The following SLCO1B3 variants were observed in gnomAD, a reference collection of about 807,000 sequenced individuals.
SLCO1B3 encodes the protein solute carrier organic anion transporter family member 1B3, also known as liver-specific organic anion transporter 2.
SLCO1B3 carries 72 observed loss-of-function variants against 71.8 expected under a neutral mutation model. The observed-to-expected ratio is 1.00, with a 90% confidence interval of 0.83 to 1.22. The LOEUF (loss-of-function observed/expected upper bound fraction) is 1.22. SLCO1B3 is among the 50% of genes most tolerant of loss of function. SLCO1B3 has a pLI of 0.00. For missense variants in SLCO1B3, 911 were observed against 819.7 expected (o/e 1.11, Z -1.36); for synonymous variants, 298 against 278.4 (o/e 1.07, Z -0.70).
chr12:20,841,939 C>A (rs1468841488), intron 3 of SLCO1B3, among the ~76,000 whole-genome samples: 1 of 148,268 alleles, frequency 6.7e-6, no homozygotes, highest in Non-Finnish European at 1.5e-5. Context: ...GGCTAGAGTG[C>A]AGTGGAGCAA....
intron 15 of SLCO1B3, among the ~76,000 whole-genome samples, chr12:20,912,919 T>C (rs1416537428): frequency 6.6e-6 from 1 of 151,006 alleles, no homozygotes; most frequent in Non-Finnish European, 1.5e-5. Flanking sequence ...TCAAGTGATC[T>C]GCCTGCCTTG....
Position 20,875,478 on chromosome 12 carries a change from G to C in SLCO1B3, c.970+1G>C, listed in dbSNP as rs762437057. ...AAAAATGTTACCAAAAATGTGACTG[G>C]TAGGTATTTGACATTCATTGTCAAC... is the stretch of plus-strand genomic sequence containing the variant. On this transcript the variant is annotated splice_donor_variant, in intron 9 of 15. Coordinates refer to ENST00000381545, the MANE Select transcript of SLCO1B3 (RefSeq NM_019844.4). LOFTEE classifies it high-confidence loss of function. 12 of 1,598,582 alleles carry C rather than the reference G, an allele frequency of 7.5e-6. No homozygotes were observed. Among genetic ancestry groups the C allele is most frequent in the Non-Finnish European group, 1.0e-5 (12 of 1,176,742 alleles).
At chr12:20,915,659 G>A (rs1408174092) in intron 15 of SLCO1B3, among the ~76,000 whole-genome samples, 3 of 152,112 alleles carry the variant, frequency 2.0e-5, no homozygotes, top group African/African-American at 7.2e-5. Context: ...CTTTTAGTGA[G>A]CCTGTACCTC....
At chr12:20,888,328 A>G (rs980863992) in intron 13 of SLCO1B3, among the ~76,000 whole-genome samples, 3 of 151,898 alleles carry the variant, frequency 2.0e-5, no homozygotes, top group African/African-American at 7.2e-5. Context: ...CCAATTCATG[A>G]GCGTAGGATG....
Position 20,875,289 on chromosome 12 carries a change from G to A in SLCO1B3, c.782G>A (p.Gly261Asp). The A allele has an allele frequency of 6.2e-7, 1 of 1,613,218 alleles. No individual in the cohort carries two copies. Among genetic ancestry groups the A allele is most frequent in the Non-Finnish European group, 8.5e-7 (1 of 1,179,566 alleles). ...DSRWVGAWWL[G>D]FLVSGLFSII... ...CGTTGGGTTGGAGCTTGGTGGCTTGGTTTCCTTGTGTCTGGACTATTTTCC... is the reference window on the plus strand; with the variant it reads ...CGTTGGGTTGGAGCTTGGTGGCTTGATTTCCTTGTGTCTGGACTATTTTCC... Residue 261 changes from glycine to aspartate, a missense_variant, in exon 9 of 16, where the codon GGT (glycine) becomes GAT (aspartate). Gly to Asp is a moderately conservative substitution (Grantham distance 94, BLOSUM62 -1). Coordinates refer to ENST00000381545, the MANE Select transcript of SLCO1B3 (RefSeq NM_019844.4).
At chr12:20,838,494 G>A (rs2121161542) in intron 3 of SLCO1B3, among the ~76,000 whole-genome samples, 1 of 152,104 alleles carries the variant, frequency 6.6e-6, no homozygotes, top group African/African-American at 2.4e-5. Context: ...TGACAGGAAT[G>A]CATTCTGAGA....
At chr12:20,886,750 T>G (rs1865799253) in intron 13 of SLCO1B3, among the ~76,000 whole-genome samples, 1 of 151,942 alleles carries the variant, frequency 6.6e-6, no homozygotes, top group South Asian at 2.1e-4. Flanking sequence ...AGAGATACAA[T>G]TGTAGTTGTG....
In SLCO1B3 at chr12:20,841,275, G is replaced by A. The variant is rs147067772; in HGVS notation, c.85-13753G>A. On this transcript the variant is annotated intron_variant, in intron 3 of 15. Coordinates refer to ENST00000381545, the MANE Select transcript of SLCO1B3 (RefSeq NM_019844.4). ...TTTCAGTCGGTTTAGTGTTTTACTT[G>A]ATGTTAGAAAAAAATGGCGCCCTCC... Among the ~76,000 whole-genome samples the A allele has an allele frequency of 3.9e-5, 6 of 152,012 alleles. No individual in the cohort carries two copies. The East Asian group carries it at 1.2e-3, about 29-fold the overall frequency.
intron 3 of SLCO1B3, among the ~76,000 whole-genome samples, chr12:20,837,673 C>G (rs1864711843): frequency 6.6e-6 from 1 of 152,040 alleles, no homozygotes; most frequent in African/African-American, 2.4e-5. Flanking sequence ...TGTCTGAGAA[C>G]AAATGCTATC....
intron 8 of SLCO1B3, among the ~76,000 whole-genome samples, chr12:20,875,005 T>C (rs1865547899): frequency 6.6e-6 from 1 of 152,150 alleles, no homozygotes; most frequent in Non-Finnish European, 1.5e-5. Flanking sequence ...GATCAGGCAA[T>C]GCGAACAGTG....
At position 20,912,990 on chromosome 12, in the gene SLCO1B3, G is replaced by A. The variant is rs377602396; in HGVS notation, c.1866-3014G>A. On this transcript the variant is annotated intron_variant, in intron 15 of 15. Transcript: ENST00000381545. ...CCACGCCTGGCCTTAAATTTCTTAA[G>A]ATATCTTTTATAGACCAGAATGTGG... Among the ~76,000 whole-genome samples, 15 of 152,090 alleles carry A rather than the reference G, an allele frequency of 9.9e-5. 1 individual carries two copies. In the East Asian group the frequency reaches 1.7e-3, roughly 18 times the overall value.
At chr12:20,905,049 G>T (rs1370020933) in intron 15 of SLCO1B3, among the ~76,000 whole-genome samples, 1 of 152,012 alleles carries the variant, frequency 6.6e-6, no homozygotes, top group African/African-American at 2.4e-5. Flanking sequence ...CTTGCTTTCT[G>T]CCCACTCATA....
intron 3 of SLCO1B3, among the ~76,000 whole-genome samples, chr12:20,849,626 CATAATT>C (rs1864982063): frequency 6.6e-6 from 1 of 151,464 alleles, no homozygotes; most frequent in Admixed American, 6.6e-5. Context: ...TTACAGATAA[CATAATT>C]ATATGTAAAG....
At chr12:20,884,024 C>T (rs1376759142) in intron 13 of SLCO1B3, among the ~76,000 whole-genome samples, 1 of 152,164 alleles carries the variant, frequency 6.6e-6, no homozygotes, top group African/African-American at 2.4e-5. Context: ...TAATGAAATT[C>T]TAATGCTTTC....
intron 8 of SLCO1B3, among the ~76,000 whole-genome samples, chr12:20,867,944 A>G (rs1022283432): frequency 6.6e-6 from 1 of 152,160 alleles, no homozygotes; most frequent in African/African-American, 2.4e-5. Context: ...AAGCAAGAAC[A>G]GTGCCTCCCC....
intron 3 of SLCO1B3, among the ~76,000 whole-genome samples, 173 bp downstream of exon 3, chr12:20,815,995 A>T (rs1864185795): frequency 6.6e-6 from 1 of 152,198 alleles, no homozygotes; most frequent in Admixed American, 6.5e-5. Flanking sequence ...TCAGTTTTTA[A>T]TCTGATTGAA....
intron 15 of SLCO1B3, among the ~76,000 whole-genome samples, chr12:20,914,299 A>C (rs999995649): frequency 6.6e-6 from 1 of 152,176 alleles, no homozygotes; most frequent in East Asian, 1.9e-4. Context: ...TAAAAATTTC[A>C]GTGATTTTCC....
chr12:20,822,949 A>G (rs758935562), intron 3 of SLCO1B3, among the ~76,000 whole-genome samples: 19 of 150,456 alleles, frequency 1.3e-4, no homozygotes, highest in Non-Finnish European at 1.0e-4. Flanking sequence ...GAAGAAAATT[A>G]CTCCCTGGTC....
At chr12:20,861,357 A>G (rs538270599) in intron 6 of SLCO1B3, among the ~76,000 whole-genome samples, 4 of 152,138 alleles carry the variant, frequency 2.6e-5, no homozygotes, top group South Asian at 4.1e-4. Context: ...CTTTTGTCCA[A>G]CCAAACAGAA....
Sources: allele counts gnomAD v4.1 joint callset (sites outside exome capture counted in the v4.1 genomes callset), GRCh38; gene constraint gnomAD v4.1.1; transcripts MANE v1.5; gene names NCBI Gene and HGNC (gene_info 2026-07-23, HGNC 2026-07-21).